Variants in TRPV1 observed in about 807,000 individuals in gnomAD.
TRPV1 encodes the protein transient receptor potential cation channel subfamily V member 1.
A neutral mutation model predicts 82.3 loss-of-function variants in TRPV1; 82 were observed. That is an observed-to-expected ratio of 1.00 (90% CI 0.83 to 1.20). The LOEUF (loss-of-function observed/expected upper bound fraction) is 1.20. Ranked by LOEUF, TRPV1 falls within the 50% of genes most tolerant of loss-of-function variation. The pLI is 0.00. For missense variants in TRPV1, 1,067 were observed against 1,096.8 expected (o/e 0.97, Z 0.38); for synonymous variants, 515 against 467.7 (o/e 1.10, Z -1.30).
At chr17:3,576,800 G>A (rs955014158) in intron 13 of TRPV1, among the ~76,000 whole-genome samples, 6 of 144,588 alleles carry the variant, frequency 4.1e-5, no homozygotes, top group Non-Finnish European at 7.5e-5. Flanking sequence ...AGTGAGCCAA[G>A]GTCGTGCCAC....
intron 16 of TRPV1, among the ~76,000 whole-genome samples, chr17:3,567,516 G>C (rs2074784535): frequency 1.3e-5 from 2 of 152,066 alleles, no homozygotes; most frequent in Admixed American, 6.5e-5. Context: ...CACTCTCGCT[G>C]TTCCTTAAAT....
intron 14 of TRPV1, among the ~76,000 whole-genome samples, chr17:3,572,754 A>G (rs1028480545): frequency 6.5e-4 from 99 of 152,302 alleles, no homozygotes; most frequent in South Asian, 1.4e-3. Flanking sequence ...AGGCCAAGGC[A>G]GGCAGATCAC....
rs946405287 is a variant in TRPV1, at chr17:3,580,346, T to C, written c.1547+111A>G. On this transcript the variant is annotated intron_variant, in intron 11 of 16. Coordinates refer to ENST00000572705, the MANE Select transcript of TRPV1 (RefSeq NM_080704.4). ...AGTGCCTTCCGTCATTCCCTCAGCATGTTCACTGAGGTCCCACTATGTGCC... is the reference window on the plus strand; with the variant it reads ...AGTGCCTTCCGTCATTCCCTCAGCACGTTCACTGAGGTCCCACTATGTGCC... The C allele has an allele frequency of 3.2e-5, 34 of 1,062,260 alleles. No individual in the cohort carries two copies. In the African/African-American group the frequency reaches 4.7e-4, roughly 15 times the overall value. 65.8% of individuals were successfully genotyped at this position (1,062,260 alleles called of 1,614,324 possible).
At chr17:3,604,755 C>A (rs967407044) in intron 2 of TRPV1, among the ~76,000 whole-genome samples, 6 of 152,060 alleles carry the variant, frequency 3.9e-5, no homozygotes, top group Admixed American at 6.6e-5. Flanking sequence ...GGGCTGGAGT[C>A]CCCTACCCTG....
chr17:3,599,142 G>A (rs1461489586), intron 2 of TRPV1, among the ~76,000 whole-genome samples: 1 of 151,834 alleles, frequency 6.6e-6, no homozygotes, highest in Non-Finnish European at 1.5e-5. Context: ...GGGAGACTGA[G>A]GCAGGAGAAT....
At chr17:3,578,766 G>A (rs2052194497) in intron 11 of TRPV1, 1 of 152,160 alleles carries the variant, frequency 6.6e-6, no homozygotes, top group African/African-American at 2.4e-5. Flanking sequence ...GCAAAGCATG[G>A]AATCAATCCA....
At chr17:3,591,398 C>A (rs770360881) in intron 3 of TRPV1, 45 bp from the exon 4 acceptor site, 17 of 1,526,878 alleles carry the variant, frequency 1.1e-5, no homozygotes, top group Middle Eastern at 1.8e-4. Flanking sequence ...GGCCTCCCCT[C>A]GGCCCTGAGG....
rs765559508 is a variant in TRPV1, at chr17:3,580,622, TG to T, written c.1477-96del. ...CTTCCTAAATGGCACCATGATGGGG[TG>T]GTCGAATGTGTGAAAGCACAGATTG... On this transcript the variant is annotated intron_variant, in intron 10 of 16. Transcript: ENST00000572705. The T allele has an allele frequency of 3.9e-6, 5 of 1,287,396 alleles. No homozygotes were observed. In the Admixed American group the frequency reaches 6.8e-5, roughly 18 times the overall value. 79.7% of individuals were successfully genotyped at this position (1,287,396 alleles called of 1,614,324 possible).
At chr17:3,579,096 C>T (rs1194449628) in intron 11 of TRPV1, among the ~76,000 whole-genome samples, 2 of 152,076 alleles carry the variant, frequency 1.3e-5, no homozygotes, top group East Asian at 3.9e-4. Flanking sequence ...ACTTGGGTGA[C>T]CAGATCATTA....
chr17:3,602,640 A>G (rs161374), intron 2 of TRPV1, among the ~76,000 whole-genome samples: 111,182 of 152,120 alleles, frequency 0.73, 40,970 homozygotes, highest in African/African-American at 0.81. Flanking sequence ...CGCGCCAGCC[A>G]GCGGCTGGGC....
intron 10 of TRPV1, 73 bp downstream of exon 10, chr17:3,583,265 G>A: frequency 1.6e-6 from 2 of 1,287,468 alleles, no homozygotes; most frequent in Non-Finnish European, 2.2e-6. Context: ...AAAAGTGAGT[G>A]AGCGCTGAGG....
chr17:3,569,172 C>T (rs927610742), intron 16 of TRPV1, among the ~76,000 whole-genome samples: 3 of 152,020 alleles, frequency 2.0e-5, no homozygotes, highest in East Asian at 1.9e-4. Flanking sequence ...ATGTAAATGA[C>T]GAGTTAATGG....
At chr17:3,573,206 GC>G (rs1567658775) in intron 14 of TRPV1, among the ~76,000 whole-genome samples, 1 of 152,136 alleles carries the variant, frequency 6.6e-6, no homozygotes, top group East Asian at 1.9e-4. Context: ...CATGGTAGCT[GC>G]TCCCCTGAGT....
rs1046858691 is a variant in TRPV1, at chr17:3,585,936, G to A, written c.1225-10C>T. 2 of 1,613,478 alleles carry A rather than the reference G, an allele frequency of 1.2e-6. No individual in the cohort carries two copies. Among genetic ancestry groups the A allele is most frequent in the Non-Finnish European group, 1.7e-6 (2 of 1,179,700 alleles). On this transcript the variant is annotated splice_polypyrimidine_tract_variant and intron_variant, in intron 8 of 16. Coordinates refer to ENST00000572705, the MANE Select transcript of TRPV1 (RefSeq NM_080704.4). Reference sequence around the variant, plus strand: ...GCATGTCGTGGCGATTCTAGGGGGTGGGGAGAGAAGTGAGGTTCCCTCCTG... The same window carrying A: ...GCATGTCGTGGCGATTCTAGGGGGTAGGGAGAGAAGTGAGGTTCCCTCCTG...
chr17:3,600,729 G>A (rs1284539538), intron 2 of TRPV1, among the ~76,000 whole-genome samples: 4 of 152,196 alleles, frequency 2.6e-5, no homozygotes, highest in Non-Finnish European at 5.9e-5. Context: ...CACAGTGCCT[G>A]CTCAGAGGCC....
chr17:3,592,095 T>C lies in TRPV1; in HGVS notation c.256A>G (p.Arg86Gly), dbSNP rs767170379. The C allele has an allele frequency of 3.7e-6, 6 of 1,613,506 alleles. No individual in the cohort carries two copies. The African/African-American group carries it at 6.7e-5, about 18-fold the overall frequency. The part of the protein sequence containing the change: ...ITVSPVITIQ[R>G]PGDGPTGARL... ...GCACCGGTGGGGCCGTCTCCTGGCCTCTGGATGGTGATAACAGGGCTGACT... is the reference window on the plus strand; with the variant it reads ...GCACCGGTGGGGCCGTCTCCTGGCCCCTGGATGGTGATAACAGGGCTGACT... The change falls in exon 3 of 17, where the codon AGG (arginine) becomes GGG (glycine). Residue 86 changes from arginine (R) to glycine (G), a missense_variant. Physicochemically the swap from Arg to Gly is moderately radical, Grantham distance 125 (BLOSUM62 -2). Coordinates refer to ENST00000572705, the MANE Select transcript of TRPV1 (RefSeq NM_080704.4).
At chr17:3,568,095 G>T (rs1424226982) in intron 16 of TRPV1, among the ~76,000 whole-genome samples, 3 of 152,138 alleles carry the variant, frequency 2.0e-5, no homozygotes, top group Non-Finnish European at 4.4e-5. Context: ...GGCCGAGGCG[G>T]GCGGATCACG....
chr17:3,591,590 C>T (rs1216436431), intron 3 of TRPV1, among the ~76,000 whole-genome samples: 1 of 152,236 alleles, frequency 6.6e-6, no homozygotes, highest in African/African-American at 2.4e-5. Context: ...TAGAAAGTCA[C>T]CCTCCTACTC....
chr17:3,592,310 T>G lies in TRPV1; in HGVS notation c.41A>C (p.Asp14Ala). Reference protein sequence around the residue: ...WSSTDLGAAADPLQKDTCPDP... With the variant: ...WSSTDLGAAAAPLQKDTCPDP... Reference sequence around the variant, plus strand: ...TGGGCAGGTGTCCTTTTGGAGTGGGTCCGCAGCTGCCCCCAAGTCTGTGCT... The same window carrying G: ...TGGGCAGGTGTCCTTTTGGAGTGGGGCCGCAGCTGCCCCCAAGTCTGTGCT... The change falls in exon 3 of 17, where the codon GAC becomes GCC. Residue 14 changes from aspartate to alanine, a missense_variant. Physicochemically the swap from Asp to Ala is moderately radical, Grantham distance 126. Coordinates refer to ENST00000572705, the MANE Select transcript of TRPV1 (RefSeq NM_080704.4). 1 of 1,599,238 alleles carries G rather than the reference T, an allele frequency of 6.3e-7. No homozygotes were observed. The highest frequency in any genetic ancestry group is 8.5e-7 in the Non-Finnish European group (1 of 1,172,726).
Sources: allele counts gnomAD v4.1 joint callset (sites outside exome capture counted in the v4.1 genomes callset), GRCh38; gene constraint gnomAD v4.1.1; transcripts MANE v1.5; gene names NCBI Gene and HGNC (gene_info 2026-07-23, HGNC 2026-07-21).